OTUD7A: variants seen among roughly 807,000 people sequenced by gnomAD.
OTUD7A encodes the protein OTU deubiquitinase 7A, also known as OTU domain-containing protein 7A.
A neutral mutation model predicts 65.7 loss-of-function variants in OTUD7A; 12 were observed. That is an observed-to-expected ratio of 0.18 (90% CI 0.12 to 0.30). The LOEUF (loss-of-function observed/expected upper bound fraction) is 0.30. Among genes scored for constraint, OTUD7A ranks in the 10% least tolerant of loss-of-function variants. The probability of loss-of-function intolerance (pLI) is 1.00; values close to 1 mark genes in which losing one functional copy is unlikely to be tolerated. For missense variants in OTUD7A, 1,148 were observed against 1,304.8 expected, an observed-to-expected ratio of 0.88 and a Z score of 1.85; for synonymous variants, 641 against 586.3, an observed-to-expected ratio of 1.09 and a Z score of -1.35.
At chr15:31,743,732 C>T (rs1282558143) in intron 1 of OTUD7A, among the ~76,000 whole-genome samples, 1 of 150,864 alleles carries the variant, frequency 6.6e-6, no homozygotes, top group Non-Finnish European at 1.5e-5. Flanking sequence ...CATGTTGAAA[C>T]CCCATCTCAA....
chr15:31,740,148 T>A (rs118120263), intron 1 of OTUD7A, among the ~76,000 whole-genome samples: 112 of 152,124 alleles, frequency 7.4e-4, no homozygotes, highest in Admixed American at 2.0e-3. Context: ...GAGAAGGTGA[T>A]TCTGGAACAA....
At chr15:31,602,456 A>T (rs935651662) in intron 3 of OTUD7A, among the ~76,000 whole-genome samples, 1 of 152,202 alleles carries the variant, frequency 6.6e-6, no homozygotes, top group African/African-American at 2.4e-5. Context: ...AACATATCTC[A>T]AAATATTAAG....
intron 1 of OTUD7A, among the ~76,000 whole-genome samples, chr15:31,729,424 A>G (rs562551969): frequency 1.4e-4 from 22 of 152,220 alleles, no homozygotes; most frequent in Non-Finnish European, 2.5e-4. Flanking sequence ...AATGCCTAGC[A>G]TATGGCAGGC....
At chr15:31,631,788 C>A (rs2141250332) in intron 3 of OTUD7A, among the ~76,000 whole-genome samples, 1 of 152,300 alleles carries the variant, frequency 6.6e-6, no homozygotes, top group Non-Finnish European at 1.5e-5. Context: ...TTGTTCATTT[C>A]TTTTTATTCT....
intron 1 of OTUD7A, among the ~76,000 whole-genome samples, chr15:31,677,347 G>A (rs1448986779): frequency 6.6e-6 from 1 of 152,106 alleles, no homozygotes; most frequent in Non-Finnish European, 1.5e-5. Context: ...GTTCATTTTA[G>A]CATTTAGCCA....
chr15:31,761,745 T>C (rs77212238), intron 1 of OTUD7A, among the ~76,000 whole-genome samples: 274 of 152,260 alleles, frequency 1.8e-3, no homozygotes, highest in Non-Finnish European at 3.5e-3. Context: ...TAGCCAAAAG[T>C]AGAAAAACCC....
At chr15:31,740,249 A>T (rs919388962) in intron 1 of OTUD7A, among the ~76,000 whole-genome samples, 33 of 152,092 alleles carry the variant, frequency 2.2e-4, no homozygotes, top group Non-Finnish European at 4.6e-4. Context: ...GGTGCGTCTG[A>T]GTGCCTGGAG....
In OTUD7A at chr15:31,483,449, C is replaced by T. The variant is rs2141058802; in HGVS notation, c.2647G>A (p.Gly883Ser). The T allele has an allele frequency of 5.8e-6, 8 of 1,379,746 alleles. No individual in the cohort carries two copies. Among genetic ancestry groups the T allele is most frequent in the Non-Finnish European group, 7.5e-6 (8 of 1,067,300 alleles). 85.5% of individuals were successfully genotyped at this position (1,379,746 alleles called of 1,614,324 possible). ...CCCGGGCCGCCACGGCCGCACTCACCGTTCGAGCGCGCGGTCGGCGCGTCG... is the reference window on the plus strand; with the variant it reads ...CCCGGGCCGCCACGGCCGCACTCACTGTTCGAGCGCGCGGTCGGCGCGTCG... ...DADAPTARSN[G>S]ECGRGGPGPV... Residue 883 changes from glycine (G) to serine (S), a missense_variant, in exon 13 of 13, where the codon GGT becomes AGT. This residue lies in a region of OTUD7A where 842 missense variants were observed against 769.5 expected (regional missense o/e 1.09). Transcript: ENST00000307050.
chr15:31,508,607 C>T (rs1355583788), intron 8 of OTUD7A, among the ~76,000 whole-genome samples: 1 of 152,260 alleles, frequency 6.6e-6, no homozygotes, highest in Non-Finnish European at 1.5e-5. Context: ...CTGCCTCAGC[C>T]TCTCAAAGTG....
At chr15:31,860,948 T>C (rs1469731003) in intron 1 of OTUD7A, among the ~76,000 whole-genome samples, 6 of 148,570 alleles carry the variant, frequency 4.0e-5, no homozygotes, top group Admixed American at 3.4e-4. Context: ...CTCGATCTCC[T>C]GACCTCGTGA....
intron 3 of OTUD7A, among the ~76,000 whole-genome samples, chr15:31,598,438 G>A (rs1889973197): frequency 6.6e-6 from 1 of 152,134 alleles, no homozygotes; most frequent in African/African-American, 2.4e-5. Context: ...AAGCCGTGAG[G>A]GACTGAGCCT....
intron 1 of OTUD7A, among the ~76,000 whole-genome samples, chr15:31,690,441 C>A: frequency 6.6e-6 from 1 of 151,892 alleles, no homozygotes; most frequent in Non-Finnish European, 1.5e-5. Context: ...GAATCAATAG[C>A]CAAGACAATC....
At position 31,766,806 on chromosome 15, in the gene OTUD7A, A is replaced by G. The variant is rs996233204; in HGVS notation, c.-100+103701T>C. The G allele has an allele frequency of 1.9e-5, 31 of 1,612,824 alleles. No individual in the cohort carries two copies. The African/African-American group carries it at 3.1e-4, about 16-fold the overall frequency. On this transcript the variant is annotated intron_variant, in intron 1 of 12. Coordinates refer to ENST00000307050, the MANE Select transcript of OTUD7A (RefSeq NM_001382637.1). The stretch of plus-strand genomic sequence containing the variant: ...TCAACAGGAATTCCTGTTTGGGCTT[A>G]GACTCTAAAAACAGTTTATTATTTT...
In OTUD7A at chr15:31,487,175, C is replaced by T. The variant is rs767921518; in HGVS notation, c.1371+19G>A. 6.2e-7 allele frequency: 1 copy of T among 1,610,442 alleles called. No homozygotes were observed. Among genetic ancestry groups the T allele is most frequent in the South Asian group, 1.1e-5 (1 of 90,714 alleles). On this transcript the variant is annotated intron_variant, in intron 12 of 12. Coordinates refer to ENST00000307050, the MANE Select transcript of OTUD7A (RefSeq NM_001382637.1). The surrounding 1 kb of genome is among the most constrained non-coding windows in gnomAD (Gnocchi z 6.0). ...CTGGACCCTGCTGCCAGGTCTGGTCCCAGCACAGCCAGGCTCACCCGTGTC... is the reference window on the plus strand; with the variant it reads ...CTGGACCCTGCTGCCAGGTCTGGTCTCAGCACAGCCAGGCTCACCCGTGTC...
At chr15:31,584,001 A>G (rs1320941740) in intron 3 of OTUD7A, among the ~76,000 whole-genome samples, 1 of 152,210 alleles carries the variant, frequency 6.6e-6, no homozygotes, top group Non-Finnish European at 1.5e-5. Context: ...CAGAGCACAG[A>G]GATGAGATGA....
chr15:31,476,642 C>A lies in OTUD7A; in HGVS notation c.*6652G>T, dbSNP rs1595542133. The A allele has an allele frequency of 6.6e-6, 1 of 152,262 alleles. No homozygotes were observed. The highest frequency in any genetic ancestry group is 1.9e-4 in the East Asian group (1 of 5,200). The allele number at this position is 152,262 out of a possible 1,614,324, so 9.4% of individuals were successfully genotyped here. ...GTGGGCCCACTCACTGCTGGCTGGA[C>A]AGCTGCAGAGAGGGCATCACGATGG... On this transcript the variant is annotated 3_prime_UTR_variant, in exon 13 of 13. Coordinates refer to ENST00000307050, the MANE Select transcript of OTUD7A (RefSeq NM_001382637.1).
At chr15:31,826,195 G>T (rs980199780) in intron 1 of OTUD7A, among the ~76,000 whole-genome samples, 8 of 152,254 alleles carry the variant, frequency 5.3e-5, no homozygotes, top group African/African-American at 1.7e-4. Flanking sequence ...TGCCCTAGCA[G>T]AAGTTCTCCA....
At chr15:31,797,034 T>C (rs185556947) in intron 1 of OTUD7A, among the ~76,000 whole-genome samples, 39 of 152,296 alleles carry the variant, frequency 2.6e-4, no homozygotes, top group African/African-American at 6.7e-4. Flanking sequence ...GCACCTGGCC[T>C]CAAACATTAC....
intron 1 of OTUD7A, among the ~76,000 whole-genome samples, chr15:31,830,475 T>C (rs140554900): frequency 9.4e-4 from 143 of 152,384 alleles, no homozygotes; most frequent in Admixed American, 1.9e-3. Context: ...GTCTTCATTT[T>C]ACATATGACA....
Sources: allele counts gnomAD v4.1 joint callset (sites outside exome capture counted in the v4.1 genomes callset), GRCh38; gene constraint gnomAD v4.1.1; regional missense constraint gnomAD v4.1.1; non-coding constraint Gnocchi (gnomAD v3.1); transcripts MANE v1.5; gene names NCBI Gene and HGNC (gene_info 2026-07-23, HGNC 2026-07-21).